Variants in COL4A3 observed in about 807,000 individuals in gnomAD.
COL4A3 encodes the protein collagen alpha-3(IV) chain.
COL4A3 carries 135 observed loss-of-function variants against 217.4 expected under a neutral mutation model. That is an observed-to-expected ratio of 0.62 (90% CI 0.54 to 0.72). COL4A3 has a LOEUF of 0.72. COL4A3 is among the 30% of genes least tolerant of loss of function. The pLI is 0.00. For synonymous variants in COL4A3, 690 were observed against 736.3 expected (o/e 0.94, Z 1.02); for missense variants, 1,868 against 2,119.9 (o/e 0.88, Z 2.33).
intron 19 of COL4A3, 45 bp downstream of exon 19, chr2:227,259,922 G>T (rs1427554397): frequency 7.0e-7 from 1 of 1,427,526 alleles, no homozygotes; most frequent in Non-Finnish European, 9.9e-7. Flanking sequence ...ACATATTTCT[G>T]GCTTTCTTTC....
intron 1 of COL4A3, among the ~76,000 whole-genome samples, chr2:227,205,039 T>C (rs892072677): frequency 6.6e-6 from 1 of 152,218 alleles, no homozygotes; most frequent in South Asian, 2.1e-4. Flanking sequence ...CATTTGATTA[T>C]ATTGCAAATA....
At chr2:227,230,576 A>G (rs1477686509) in intron 1 of COL4A3, among the ~76,000 whole-genome samples, 2 of 152,218 alleles carry the variant, frequency 1.3e-5, no homozygotes, top group Non-Finnish European at 2.9e-5. Flanking sequence ...ATGGGTTATT[A>G]CTATTAAAGT....
intron 1 of COL4A3, among the ~76,000 whole-genome samples, chr2:227,196,925 C>T (rs541916183): frequency 6.6e-6 from 1 of 152,202 alleles, no homozygotes; most frequent in African/African-American, 2.4e-5. Flanking sequence ...CCCATAATTC[C>T]CACACGTTGT....
intron 20 of COL4A3, among the ~76,000 whole-genome samples, 179 bp downstream of exon 20, chr2:227,261,296 A>G (rs1369121728): frequency 6.6e-6 from 1 of 152,222 alleles, no homozygotes; most frequent in Non-Finnish European, 1.5e-5. Flanking sequence ...AGACCACGGC[A>G]GGTGGATCAC....
chr2:227,181,691 A>G (rs1188253397), intron 1 of COL4A3, among the ~76,000 whole-genome samples: 1 of 152,192 alleles, frequency 6.6e-6, no homozygotes, highest in Non-Finnish European at 1.5e-5. Context: ...GTATTTTCTC[A>G]CATCAGTAAA....
At chr2:227,179,294 G>T (rs901975764) in intron 1 of COL4A3, among the ~76,000 whole-genome samples, 1 of 152,054 alleles carries the variant, frequency 6.6e-6, no homozygotes, top group African/African-American at 2.4e-5. Flanking sequence ...TTAAAAATGA[G>T]TGTCAGATGC....
chr2:227,258,437 T>C (rs985290027), intron 18 of COL4A3, among the ~76,000 whole-genome samples: 1 of 152,242 alleles, frequency 6.6e-6, no homozygotes, highest in African/African-American at 2.4e-5. Context: ...TGTCTTAGTC[T>C]GTTCTTTGCT....
At chr2:227,269,775 C>T in intron 23 of COL4A3, 135 bp from the exon 24 acceptor site, 1 of 718,524 alleles carries the variant, frequency 1.4e-6, no homozygotes, top group Non-Finnish European at 2.5e-6. Context: ...TCTCTTATTG[C>T]ATTTATGTTT....
intron 41 of COL4A3, 50 bp downstream of exon 41, chr2:227,295,366 A>G: frequency 6.6e-7 from 1 of 1,521,894 alleles, no homozygotes; most frequent in Non-Finnish European, 9.1e-7. Flanking sequence ...CAAGGAGAGA[A>G]AGCAGTTGAA....
intron 1 of COL4A3, among the ~76,000 whole-genome samples, chr2:227,171,024 C>T (rs1248085399): frequency 6.6e-6 from 1 of 151,618 alleles, no homozygotes. Context: ...AAAACATATA[C>T]TATTATTAAA....
intron 1 of COL4A3, among the ~76,000 whole-genome samples, chr2:227,208,439 A>G (rs11898214): frequency 0.57 from 86,149 of 151,778 alleles, 26,054 homozygotes; most frequent in Non-Finnish European, 0.69. Flanking sequence ...AGCTAACCCC[A>G]CCCAGACCTG....
At chr2:227,187,273 A>G (rs536875694) in intron 1 of COL4A3, among the ~76,000 whole-genome samples, 1 of 152,308 alleles carries the variant, frequency 6.6e-6, no homozygotes, top group South Asian at 2.1e-4. Context: ...TCTTCTGCAA[A>G]CAGAAAATTG....
chr2:227,195,771 T>A (rs1372558449), intron 1 of COL4A3, among the ~76,000 whole-genome samples: 1 of 150,752 alleles, frequency 6.6e-6, no homozygotes. Flanking sequence ...ATTTTTATCA[T>A]AGGAGATGAC....
At chr2:227,226,527 T>C (rs2068103910) in intron 1 of COL4A3, among the ~76,000 whole-genome samples, 1 of 151,788 alleles carries the variant, frequency 6.6e-6, no homozygotes, top group South Asian at 2.1e-4. Flanking sequence ...TGGAGTACAG[T>C]GGTGCAATCT....
chr2:227,192,811 GT>G, intron 1 of COL4A3, among the ~76,000 whole-genome samples: 1 of 151,878 alleles, frequency 6.6e-6, no homozygotes, highest in East Asian at 1.9e-4. Context: ...TTGGAACAGT[GT>G]TTCTCAAACT....
chr2:227,175,519 G>A (rs942742559), intron 1 of COL4A3, among the ~76,000 whole-genome samples: 3 of 152,060 alleles, frequency 2.0e-5, no homozygotes. Context: ...TTGAAATAAA[G>A]AAATAACATG....
intron 1 of COL4A3, among the ~76,000 whole-genome samples, chr2:227,202,735 T>TTAAAAAA (rs774121334): frequency 2.0e-4 from 9 of 44,628 alleles, no homozygotes; most frequent in Admixed American, 5.8e-4. Flanking sequence ...AATCCGTCTC[T>TTAAAAAA]AAAAAAAAAA....
intron 1 of COL4A3, among the ~76,000 whole-genome samples, chr2:227,212,911 C>T (rs2067381693): frequency 6.6e-6 from 1 of 152,184 alleles, no homozygotes; most frequent in Non-Finnish European, 1.5e-5. Context: ...ACAACATTGT[C>T]TTTCTTGACT....
chr2:227,247,776 G>T (rs1269742360), intron 8 of COL4A3, among the ~76,000 whole-genome samples, 192 bp downstream of exon 8: 1 of 152,086 alleles, frequency 6.6e-6, no homozygotes, highest in Non-Finnish European at 1.5e-5. Context: ...TTGTCATAAA[G>T]AGTCTTAAGG....
Sources: gnomAD v4.1 joint callset for allele counts (sites outside exome capture counted in the v4.1 genomes callset) on GRCh38, gnomAD v4.1.1 for gene constraint, MANE v1.5 for transcripts, NCBI Gene and HGNC (gene_info 2026-07-23, HGNC 2026-07-21) for gene names.